The following NR6A1 variants were observed in gnomAD, a reference collection of about 807,000 sequenced individuals.
The protein encoded by NR6A1 is retinoic acid receptor-related testis-associated receptor.
NR6A1 carries 7 observed loss-of-function variants against 59.1 expected under a neutral mutation model. That is an observed-to-expected ratio of 0.12 (90% CI 0.07 to 0.22). The LOEUF (loss-of-function observed/expected upper bound fraction) is 0.22. Among genes scored for constraint, NR6A1 ranks in the 10% least tolerant of loss-of-function variants. The pLI is 1.00. For synonymous variants in NR6A1, 243 were observed against 236.1 expected (o/e 1.03, Z -0.27); for missense variants, 468 against 611.6 (o/e 0.77, Z 2.48).
intron 2 of NR6A1, among the ~76,000 whole-genome samples, chr9:124,707,498 C>G (rs1839168483): frequency 6.6e-6 from 1 of 151,290 alleles, no homozygotes; most frequent in Admixed American, 6.6e-5. Flanking sequence ...TAGGATCACT[C>G]AGAGACAGTT....
intron 2 of NR6A1, among the ~76,000 whole-genome samples, chr9:124,568,769 C>T (rs1285250854): frequency 6.6e-6 from 1 of 151,772 alleles, no homozygotes; most frequent in East Asian, 1.9e-4. Flanking sequence ...ACATAAACTA[C>T]CTCCTGTGAA....
intron 2 of NR6A1, among the ~76,000 whole-genome samples, chr9:124,606,789 G>A (rs1188298094): frequency 6.6e-6 from 1 of 152,164 alleles, no homozygotes; most frequent in East Asian, 1.9e-4. Context: ...TCACCCGCTG[G>A]CAGCTTGTCT....
At chr9:124,595,167 A>C (rs1835235064) in intron 2 of NR6A1, among the ~76,000 whole-genome samples, 1 of 152,212 alleles carries the variant, frequency 6.6e-6, no homozygotes, top group South Asian at 2.1e-4. Context: ...AACACTAGTG[A>C]CTATTCATTA....
At chr9:124,591,221 T>G (rs1835113447) in intron 2 of NR6A1, among the ~76,000 whole-genome samples, 1 of 152,250 alleles carries the variant, frequency 6.6e-6, no homozygotes, top group Non-Finnish European at 1.5e-5. Context: ...CTAAATTTGC[T>G]CCTCTTTGAA....
chr9:124,550,072 T>A (rs1299819706), intron 3 of NR6A1, among the ~76,000 whole-genome samples: 1 of 152,220 alleles, frequency 6.6e-6, no homozygotes, highest in Admixed American at 6.5e-5. Flanking sequence ...TTGTTTGTTT[T>A]CTCAGGATTA....
chr9:124,660,934 T>C (rs901187722), intron 2 of NR6A1, among the ~76,000 whole-genome samples: 1 of 152,158 alleles, frequency 6.6e-6, no homozygotes, highest in Admixed American at 6.5e-5. Context: ...ACAAGTGACA[T>C]GTAATAAAAT....
At chr9:124,739,231 T>C (rs569330447) in intron 1 of NR6A1, among the ~76,000 whole-genome samples, 14 of 151,542 alleles carry the variant, frequency 9.2e-5, no homozygotes, top group African/African-American at 3.4e-4. Context: ...TGGGTATGAA[T>C]TAGAATTAGA....
At chr9:124,721,937 C>A (rs1839575687) in intron 2 of NR6A1, among the ~76,000 whole-genome samples, 1 of 152,114 alleles carries the variant, frequency 6.6e-6, no homozygotes, top group Non-Finnish European at 1.5e-5. Context: ...TCTCTTCAGG[C>A]CTCATAGTTC....
rs796714741 is a variant in NR6A1, at chr9:124,637,892, CAAAAAAAAAA to C, written c.143-83332_143-83323del. On this transcript the variant is annotated intron_variant, in intron 2 of 9. Transcript: ENST00000487099. ...GGGCGACAGAGTGAGACTCCCTCTC[CAAAAAAAAAA>C]AAAAAAAAAAGAAAAAAAGGGAACT... is the stretch of plus-strand genomic sequence containing the variant. Among the ~76,000 whole-genome samples the C allele has an allele frequency of 3.4e-3, 266 of 79,006 alleles. 1 individual carries two copies. Among genetic ancestry groups the C allele is most frequent in the Middle Eastern group, 0.024 (2 of 82 alleles). The allele number at this position is 79,006 out of a possible 152,430, so 51.8% of individuals were successfully genotyped here.
intron 2 of NR6A1, chr9:124,598,740 C>A (rs759042268): frequency 2.2e-6 from 2 of 917,534 alleles, no homozygotes; most frequent in South Asian, 1.3e-5. Context: ...TTGGTCTTCT[C>A]CCTTCTCCTT....
At chr9:124,535,117 C>A (rs1715280325) in intron 7 of NR6A1, among the ~76,000 whole-genome samples, 1 of 151,870 alleles carries the variant, frequency 6.6e-6, no homozygotes. Flanking sequence ...GAGCCAGACA[C>A]CGTCTCAAAA....
intron 2 of NR6A1, among the ~76,000 whole-genome samples, chr9:124,696,519 GCTTT>G (rs1263654089): frequency 1.0e-5 from 1 of 98,736 alleles, no homozygotes; most frequent in Non-Finnish European, 2.0e-5. Flanking sequence ...ATGTTCTCTA[GCTTT>G]TTTTTTTTTT....
chr9:124,543,904 A>G (rs777158256), intron 3 of NR6A1, 47 bp from the exon 4 acceptor site: 7 of 1,537,524 alleles, frequency 4.6e-6, no homozygotes, highest in East Asian at 2.2e-5. Context: ...GCACACTCAT[A>G]TAAGTCTTAG....
At chr9:124,598,557 ATTATTT>A in intron 2 of NR6A1, 1 of 254,628 alleles carries the variant, frequency 3.9e-6, no homozygotes, top group South Asian at 5.7e-5. Flanking sequence ...GGTCCAAATT[ATTATTT>A]TTAAATTTTG....
At chr9:124,620,653 C>T (rs528084060) in intron 2 of NR6A1, among the ~76,000 whole-genome samples, 5 of 152,188 alleles carry the variant, frequency 3.3e-5, no homozygotes, top group Admixed American at 2.6e-4. Context: ...TTAAGGATTG[C>T]TGGGTTTAAC....
intron 2 of NR6A1, among the ~76,000 whole-genome samples, chr9:124,726,032 C>G (rs1839707388): frequency 6.6e-6 from 1 of 152,242 alleles, no homozygotes; most frequent in East Asian, 1.9e-4. Flanking sequence ...TTAGTTCTTA[C>G]ATTTTTATGG....
At chr9:124,755,119 C>T (rs1840600107) in intron 1 of NR6A1, among the ~76,000 whole-genome samples, 1 of 152,176 alleles carries the variant, frequency 6.6e-6, no homozygotes, top group Admixed American at 6.5e-5. Context: ...TCTACCATTA[C>T]TACAGTAACT....
chr9:124,582,793 C>A (rs548913118), intron 2 of NR6A1, among the ~76,000 whole-genome samples: 1 of 152,150 alleles, frequency 6.6e-6, no homozygotes, highest in Non-Finnish European at 1.5e-5. Context: ...GAGGCTGAGG[C>A]AAAAGGATTG....
rs201351078 is a variant in NR6A1 at position 124,617,898 on chromosome 9, T to TA, written c.143-63329dup. ...CTTGATTCCTTAACTGGCACCAAGATAAAAAAAAGTCACCTCCTCTTAAAC... is the reference window on the plus strand; with the variant it reads ...CTTGATTCCTTAACTGGCACCAAGATAAAAAAAAAGTCACCTCCTCTTAAAC... On this transcript the variant is annotated intron_variant, in intron 2 of 9. Coordinates refer to ENST00000487099, the MANE Select transcript of NR6A1 (RefSeq NM_033334.4). Among the ~76,000 whole-genome samples the TA allele has an allele frequency of 9.8e-3, 1,487 of 151,900 alleles. 11 individuals are homozygous for TA. Among genetic ancestry groups the TA allele is most frequent in the Non-Finnish European group, 0.014 (939 of 67,936 alleles).
Sources: gnomAD v4.1 joint callset for allele counts (sites outside exome capture counted in the v4.1 genomes callset) on GRCh38, gnomAD v4.1.1 for gene constraint, MANE v1.5 for transcripts, NCBI Gene and HGNC (gene_info 2026-07-23, HGNC 2026-07-21) for gene names.